SEC23A: variants seen among roughly 807,000 people sequenced by gnomAD.
SEC23A encodes the protein SEC23 homolog A, COPII component, also known as protein transport protein Sec23A.
Under a neutral mutation model 103.7 loss-of-function variants are expected in SEC23A, and 56 were observed. The ratio of observed to expected loss-of-function variants is 0.54; its 90% CI spans 0.44 to 0.67. The LOEUF (loss-of-function observed/expected upper bound fraction) is 0.67, where lower values mean the gene tolerates loss of function less well. Ranked by LOEUF, SEC23A falls within the 30% of genes least tolerant of loss-of-function variation. The probability of loss-of-function intolerance (pLI) is 0.00; values close to 1 mark genes in which losing one functional copy is unlikely to be tolerated. For missense variants in SEC23A, 784 were observed against 936.4 expected (o/e 0.84, Z 2.12); for synonymous variants, 281 against 293.0 (o/e 0.96, Z 0.42).
intron 19 of SEC23A, among the ~76,000 whole-genome samples, chr14:39,037,757 A>G (rs994053916): frequency 1.3e-5 from 2 of 152,186 alleles, no homozygotes; most frequent in African/African-American, 4.8e-5. Flanking sequence ...TCTCCCTTTA[A>G]TCCAGGATTC....
intron 14 of SEC23A, among the ~76,000 whole-genome samples, chr14:39,049,108 A>G (rs1885950224): frequency 1.3e-5 from 2 of 151,968 alleles, no homozygotes; most frequent in East Asian, 3.9e-4. Context: ...TGGGAGGCCA[A>G]GGTGGGAAGA....
Position 39,091,497 on chromosome 14 carries a change from A to G in SEC23A, c.583T>C (p.Leu195=), listed in dbSNP as rs749067197. The G allele has an allele frequency of 6.2e-7, 1 of 1,613,854 alleles. No individual in the cohort carries two copies. Among genetic ancestry groups the G allele is most frequent in the Non-Finnish European group, 8.5e-7 (1 of 1,179,822 alleles). Reference sequence around the variant, plus strand: ...TTTACCTGCAGTTGTTTGGCAGACAAATCTTTTGTTCCTCTGAAGACATAG... The same window carrying G: ...TTTACCTGCAGTTGTTTGGCAGACAGATCTTTTGTTCCTCTGAAGACATAG... The part of the protein sequence containing the change: ...KSYVFRGTKD[L]SAKQLQEMLG... Residue 195 remains leucine (L), a synonymous_variant, in exon 5 of 20, where the codon TTG becomes CTG. Transcript: ENST00000307712.
chr14:39,101,710 T>C (rs912279210), intron 1 of SEC23A, among the ~76,000 whole-genome samples: 1 of 152,188 alleles, frequency 6.6e-6, no homozygotes, highest in Non-Finnish European at 1.5e-5. Context: ...TAATTGAAAA[T>C]GTACTTGCCA....
intron 5 of SEC23A, chr14:39,087,945 G>A (rs1029922091): frequency 6.6e-6 from 1 of 152,148 alleles, no homozygotes; most frequent in Non-Finnish European, 1.5e-5. Flanking sequence ...TAATTTGTCT[G>A]AGGTTACACA....
chr14:39,070,901 C>T (rs1886820612), intron 9 of SEC23A, among the ~76,000 whole-genome samples: 1 of 152,148 alleles, frequency 6.6e-6, no homozygotes, highest in South Asian at 2.1e-4. Context: ...GTGGCGCATG[C>T]CTGTAGTCCC....
intron 15 of SEC23A, among the ~76,000 whole-genome samples, chr14:39,045,899 T>C (rs939575800): frequency 1.3e-4 from 11 of 84,470 alleles, no homozygotes; most frequent in African/African-American, 5.1e-4. Context: ...CTGATATGAT[T>C]TGGCTACATC....
intron 13 of SEC23A, among the ~76,000 whole-genome samples, chr14:39,057,030 T>A (rs1421773671): frequency 6.6e-6 from 1 of 152,044 alleles, no homozygotes; most frequent in African/African-American, 2.4e-5. Flanking sequence ...ACCCTATCTC[T>A]AGGCTGGTTG....
chr14:39,066,478 C>CT (rs56126062), intron 10 of SEC23A, among the ~76,000 whole-genome samples: 12,317 of 144,028 alleles, frequency 0.086, 528 homozygotes, highest in African/African-American at 0.13. Context: ...ACAGTTTCCT[C>CT]TTTTTTTTTT....
chr14:39,056,806 C>T (rs1358501828), intron 13 of SEC23A, among the ~76,000 whole-genome samples: 1 of 152,124 alleles, frequency 6.6e-6, no homozygotes, highest in Non-Finnish European at 1.5e-5. Context: ...TTTAGTATAG[C>T]ATTCACTGTT....
At position 39,094,432 on chromosome 14, in the gene SEC23A, ATATATATATAT is replaced by A. The variant is rs1566515234; in HGVS notation, c.222-1199_222-1189del. ...TATATATATATATATATATATATAT[ATATATATATAT>A]TTTTTTTTTTTTTTTTTCCCCTCCT... On this transcript the variant is annotated intron_variant, in intron 2 of 19. Transcript: ENST00000307712. 8.4e-4 allele frequency among the ~76,000 whole-genome samples: 31 copies of A among 36,842 alleles called. 3 individuals are homozygous for A. The highest frequency in any genetic ancestry group is 2.6e-3 in the African/African-American group (11 of 4,264). The allele number at this position is 36,842 out of a possible 152,430, so 24.2% of individuals were successfully genotyped here.
chr14:39,092,709 A>T (rs1490130628), intron 3 of SEC23A, 82 bp from the exon 4 acceptor site: 1 of 775,050 alleles, frequency 1.3e-6, no homozygotes, highest in East Asian at 2.8e-5. Flanking sequence ...GTATTTCCTG[A>T]TCATTTAATT....
chr14:39,083,952 C>T (rs954358693), intron 7 of SEC23A, among the ~76,000 whole-genome samples: 1 of 152,136 alleles, frequency 6.6e-6, no homozygotes, highest in Non-Finnish European at 1.5e-5. Context: ...ATTATTTATA[C>T]ACTTCTTGCA....
chr14:39,100,594 G>A (rs1175988661), intron 1 of SEC23A, among the ~76,000 whole-genome samples: 1 of 151,776 alleles, frequency 6.6e-6, no homozygotes, highest in African/African-American at 2.4e-5. Flanking sequence ...TGTATTTTTA[G>A]TAGAGATGGG....
chr14:39,056,299 A>T (rs1886245273), intron 13 of SEC23A, among the ~76,000 whole-genome samples: 1 of 152,104 alleles, frequency 6.6e-6, no homozygotes, highest in Admixed American at 6.6e-5. Context: ...CAGTCTCCTG[A>T]TTCCCACAAC....
At chr14:39,090,090 C>A (rs969939043) in intron 5 of SEC23A, among the ~76,000 whole-genome samples, 3 of 152,220 alleles carry the variant, frequency 2.0e-5, no homozygotes, top group Non-Finnish European at 4.4e-5. Flanking sequence ...TCTTAGTTAA[C>A]TGCAGCACCA....
chr14:39,046,750 C>A (rs887319837), intron 15 of SEC23A, among the ~76,000 whole-genome samples: 2 of 152,124 alleles, frequency 1.3e-5, no homozygotes, highest in Non-Finnish European at 2.9e-5. Context: ...TGAAAGAAAT[C>A]AAAAAGAGGG....
At chr14:39,040,473 T>G (rs920542640) in intron 18 of SEC23A, 1 of 511,682 alleles carries the variant, frequency 2.0e-6, no homozygotes, top group South Asian at 2.3e-5. Flanking sequence ...ACCACCACAA[T>G]GCCATCCTGG....
chr14:39,089,469 C>T (rs898723189), intron 5 of SEC23A, among the ~76,000 whole-genome samples: 4 of 150,040 alleles, frequency 2.7e-5, no homozygotes, highest in East Asian at 1.9e-4. Flanking sequence ...TAAGGTACTC[C>T]GCTTCCTGTG....
rs373944907 is a variant in SEC23A, at chr14:39,071,517, C to T, written c.1103+2898G>A. Among the ~76,000 whole-genome samples the T allele has an allele frequency of 4.6e-4, 70 of 152,184 alleles. No individual in the cohort carries two copies. The South Asian group carries it at 7.9e-3, about 17-fold the overall frequency. The stretch of plus-strand genomic sequence containing the variant: ...TGAGCTGAGATCGCACCACTGCACT[C>T]CAGCCTGGGCAACACAGTGAGACTC... On this transcript the variant is annotated intron_variant, in intron 9 of 19. Coordinates refer to ENST00000307712, the MANE Select transcript of SEC23A (RefSeq NM_006364.4).
Sources: gnomAD v4.1 joint callset for allele counts (sites outside exome capture counted in the v4.1 genomes callset) on GRCh38, gnomAD v4.1.1 for gene constraint, MANE v1.5 for transcripts, NCBI Gene and HGNC (gene_info 2026-07-23, HGNC 2026-07-21) for gene names.